PEPD: variants seen among roughly 807,000 people sequenced by gnomAD.
The protein encoded by PEPD is xaa-Pro dipeptidase.
In PEPD, 53 loss-of-function variants were observed where a neutral mutation model predicts 60.7. That is an observed-to-expected ratio of 0.87 (90% confidence interval 0.70 to 1.10). The LOEUF is 1.10. PEPD is among the 50% of genes least tolerant of loss of function. PEPD has a pLI of 0.00. For missense variants in PEPD, 711 were observed against 711.9 expected (o/e 1.00, Z 0.01); for synonymous variants, 267 against 284.1 (o/e 0.94, Z 0.60).
intron 9 of PEPD, among the ~76,000 whole-genome samples, chr19:33,428,731 T>C (rs529797608): frequency 3.4e-4 from 52 of 152,236 alleles, no homozygotes; most frequent in African/African-American, 1.2e-3. Context: ...TCCCTCCCAG[T>C]CTTGAAGGGC....
At chr19:33,406,020 C>A (rs1340123081) in intron 11 of PEPD, among the ~76,000 whole-genome samples, 1 of 152,184 alleles carries the variant, frequency 6.6e-6, no homozygotes, top group Non-Finnish European at 1.5e-5. Flanking sequence ...GGCACGGCAC[C>A]AGTGAGGGGC....
chr19:33,402,958 T>G (rs1968536104), intron 11 of PEPD, among the ~76,000 whole-genome samples: 1 of 152,194 alleles, frequency 6.6e-6, no homozygotes, highest in African/African-American at 2.4e-5. Context: ...GAGTAGGGCC[T>G]GTCCTTGCTG....
At chr19:33,400,520 G>A (rs1968463179) in intron 12 of PEPD, among the ~76,000 whole-genome samples, 1 of 152,254 alleles carries the variant, frequency 6.6e-6, no homozygotes, top group Non-Finnish European at 1.5e-5. Flanking sequence ...TGTGGGCAGG[G>A]AAAGCCCCTC....
At chr19:33,468,761 G>T (rs1970066728) in intron 7 of PEPD, among the ~76,000 whole-genome samples, 1 of 152,166 alleles carries the variant, frequency 6.6e-6, no homozygotes, top group East Asian at 1.9e-4. Flanking sequence ...AAACCCACAA[G>T]CCCAGGGAGA....
chr19:33,488,404 G>A (rs1475728188), intron 6 of PEPD, among the ~76,000 whole-genome samples: 1 of 152,098 alleles, frequency 6.6e-6, no homozygotes, highest in Non-Finnish European at 1.5e-5. Flanking sequence ...GCCATAGAGA[G>A]GTTCCATGGC....
At chr19:33,501,051 A>C in intron 3 of PEPD, 50 bp from the exon 4 acceptor site, 3 of 1,108,090 alleles carry the variant, frequency 2.7e-6, no homozygotes, top group Non-Finnish European at 2.8e-6. Flanking sequence ...GTAATGGCTC[A>C]GCATGGCCAC....
intron 1 of PEPD, 75 bp downstream of exon 1, chr19:33,521,669 C>A (rs1600184443): frequency 6.8e-7 from 1 of 1,469,326 alleles, no homozygotes; most frequent in Admixed American, 1.9e-5. Flanking sequence ...CTGACGCTCT[C>A]ACCCGCGGTC....
chr19:33,482,200 A>G (rs1420026249), intron 6 of PEPD, among the ~76,000 whole-genome samples: 1 of 152,206 alleles, frequency 6.6e-6, no homozygotes, highest in Non-Finnish European at 1.5e-5. Context: ...AAACACTAGC[A>G]AACAGAATCC....
Position 33,391,422 on chromosome 19 carries a change from G to A in PEPD, c.1025C>T (p.Ala342Val). 6.4e-7 allele frequency: 1 copy of A among 1,571,344 alleles called. No homozygotes were observed. Among genetic ancestry groups the A allele is most frequent in the East Asian group, 2.3e-5 (1 of 42,718 alleles). Reference sequence around the variant, plus strand: ...GCTGCCGCTCAGGATGCCCATGTGGGCCAGCTCCTCCAGGTGGATGCGGTC... The same window carrying A: ...GCTGCCGCTCAGGATGCCCATGTGGACCAGCTCCTCCAGGTGGATGCGGTC... ...LADRIHLEEL[A>V]HMGILSGSVD... The change falls in exon 13 of 15, where the codon GCC (alanine) becomes GTC (valine). Residue 342 changes from alanine (A) to valine (V), a missense_variant. Ala to Val is a moderately conservative substitution (Grantham distance 64, BLOSUM62 0). Coordinates refer to ENST00000244137, the MANE Select transcript of PEPD (RefSeq NM_000285.4).
At chr19:33,501,407 T>C (rs1970711214) in intron 3 of PEPD, among the ~76,000 whole-genome samples, 2 of 152,152 alleles carry the variant, frequency 1.3e-5, no homozygotes, top group African/African-American at 4.8e-5. Context: ...GGAAAGTTTA[T>C]TTTAAGGTCA....
At chr19:33,509,366 G>A (rs1282680390) in intron 3 of PEPD, among the ~76,000 whole-genome samples, 6 of 152,220 alleles carry the variant, frequency 3.9e-5, no homozygotes, top group African/African-American at 1.2e-4. Context: ...TCCAGGCTGA[G>A]TCCTGCCCAG....
At chr19:33,489,424 T>C (rs1322796053) in intron 6 of PEPD, among the ~76,000 whole-genome samples, 1 of 151,702 alleles carries the variant, frequency 6.6e-6, no homozygotes, top group Non-Finnish European at 1.5e-5. Flanking sequence ...AGGTCACGAG[T>C]TCGAGACAAG....
intron 9 of PEPD, among the ~76,000 whole-genome samples, chr19:33,430,462 T>C (rs10413669): frequency 0.56 from 84,630 of 151,804 alleles, 24,211 homozygotes; most frequent in African/African-American, 0.64. Context: ...AAGAGACTTC[T>C]GCTGCAAAAA....
chr19:33,404,659 T>G (rs777073067), intron 11 of PEPD, among the ~76,000 whole-genome samples: 1 of 152,154 alleles, frequency 6.6e-6, no homozygotes, highest in African/African-American at 2.4e-5. Flanking sequence ...TCTTCCAGCT[T>G]GTAGAAGACT....
At chr19:33,432,603 A>T (rs1969297095) in intron 9 of PEPD, among the ~76,000 whole-genome samples, 1 of 152,250 alleles carries the variant, frequency 6.6e-6, no homozygotes, top group Admixed American at 6.5e-5. Context: ...AGCAGGAGGA[A>T]GCCTCTTTGT....
intron 12 of PEPD, among the ~76,000 whole-genome samples, chr19:33,395,900 A>T (rs1223609736): frequency 6.6e-6 from 1 of 151,974 alleles, no homozygotes; most frequent in Non-Finnish European, 1.5e-5. Flanking sequence ...GGGGCTGAGG[A>T]CCTCCAGCTC....
Position 33,481,881 on chromosome 19 carries a change from C to T in PEPD, c.504-3791G>A, listed in dbSNP as rs896714494. Among the ~76,000 whole-genome samples the T allele has an allele frequency of 3.3e-5, 5 of 151,934 alleles. 1 individual carries two copies. Among genetic ancestry groups the T allele is most frequent in the East Asian group, 3.9e-4 (2 of 5,138 alleles). ...CTAAAAATAAAAAAAATTAGCCCAG[C>T]GTGATGGTGCACACGTGTAATCCCA... On this transcript the variant is annotated intron_variant, in intron 6 of 14. Coordinates refer to ENST00000244137, the MANE Select transcript of PEPD (RefSeq NM_000285.4).
chr19:33,404,196 C>T (rs1968564204), intron 11 of PEPD, among the ~76,000 whole-genome samples: 1 of 152,206 alleles, frequency 6.6e-6, no homozygotes, highest in Non-Finnish European at 1.5e-5. Flanking sequence ...CCATATGGAA[C>T]ACAGCCCAGT....
At chr19:33,408,749 C>T (rs910338652) in intron 11 of PEPD, among the ~76,000 whole-genome samples, 10 of 152,168 alleles carry the variant, frequency 6.6e-5, no homozygotes, top group African/African-American at 2.4e-4. Context: ...CTACGCTGGG[C>T]TCATGCTTTA....
Sources: allele counts gnomAD v4.1 joint callset (sites outside exome capture counted in the v4.1 genomes callset), GRCh38; gene constraint gnomAD v4.1.1; transcripts MANE v1.5; gene names NCBI Gene and HGNC (gene_info 2026-07-23, HGNC 2026-07-21).